The following ARHGEF1 variants were observed in gnomAD, a reference collection of about 807,000 sequenced individuals.
ARHGEF1 encodes 115 kDa guanine nucleotide exchange factor.
Under a neutral mutation model 119.7 loss-of-function variants are expected in ARHGEF1, and 40 were observed. The ratio of observed to expected loss-of-function variants is 0.33; its 90% CI spans 0.26 to 0.44. ARHGEF1 has a LOEUF of 0.44. Among genes scored for constraint, ARHGEF1 ranks in the 20% least tolerant of loss-of-function variants. The probability of loss-of-function intolerance (pLI) is 1.00; values close to 1 mark genes in which losing one functional copy is unlikely to be tolerated. For synonymous variants in ARHGEF1, 494 were observed against 521.0 expected, an observed-to-expected ratio of 0.95 and a Z score of 0.71; for missense variants, 976 against 1,268.3, an observed-to-expected ratio of 0.77 and a Z score of 3.50.
Position 41,928,624 on chromosome 19 carries a change from G to A in ARHGEF1, c.141-207G>A, listed in dbSNP as rs540877968. The A allele has an allele frequency of 2.6e-3, 483 of 187,812 alleles. 3 individuals are homozygous for A. The highest frequency in any genetic ancestry group is 0.011 in the African/African-American group (473 of 41,862). 11.6% of individuals were successfully genotyped at this position (187,812 alleles called of 1,614,324 possible). On this transcript the variant is annotated intron_variant, in intron 1 of 2. Coordinates refer to the ARHGEF1 transcript ENST00000594417. ...GGCGGCGGCGCGGGGGAGGGGGCGG[G>A]GGCGCGATCGATGGAATATAATTTT...
upstream of ARHGEF1, among the ~76,000 whole-genome samples, chr19:41,918,910 ACAC>A (rs2074820704): frequency 6.6e-6 from 1 of 150,440 alleles, no homozygotes; most frequent in Non-Finnish European, 1.5e-5. Flanking sequence ...TTACACACAT[ACAC>A]CACACACACA....
At chr19:41,884,958 T>C (rs1229699746) in intron 1 of ARHGEF1, among the ~76,000 whole-genome samples, 3 of 152,146 alleles carry the variant, frequency 2.0e-5, no homozygotes, top group African/African-American at 7.2e-5. Flanking sequence ...TCTTTTAGGT[T>C]CTTTAAGGCT....
rs1279609883 is a variant in ARHGEF1, at chr19:41,904,028, G to T, written c.1918-7G>T. The stretch of plus-strand genomic sequence containing the variant: ...CCTGCACAAACCATCACCCCCTCCT[G>T]CCCCAGAACCTGGACATCACCAAGA... On this transcript the variant is annotated splice_polypyrimidine_tract_variant and splice_region_variant and intron_variant, in intron 20 of 28. Coordinates refer to ENST00000354532, the MANE Select transcript of ARHGEF1 (RefSeq NM_004706.4). The surrounding 1 kb of genome is among the most constrained non-coding windows in gnomAD (Gnocchi z 8.4). The T allele has an allele frequency of 8.1e-6, 13 of 1,613,318 alleles. No individual in the cohort carries two copies. Among genetic ancestry groups the T allele is most frequent in the Non-Finnish European group, 1.1e-5 (13 of 1,179,830 alleles).
intron 18 of ARHGEF1, chr19:41,912,743 G>A: frequency 2.5e-6 from 1 of 401,350 alleles, no homozygotes; most frequent in Non-Finnish European, 4.3e-6. Flanking sequence ...GAGAGAGAAG[G>A]ACCCACGGAC....
downstream of ARHGEF1, chr19:41,907,849 T>G: frequency 6.6e-6 from 1 of 152,126 alleles, no homozygotes; most frequent in African/African-American, 5.5e-5. Context: ...CAGGGGGGCC[T>G]ATATGGGGGG....
rs781984796 is a variant in ARHGEF1 at position 41,905,711 on chromosome 19, GC to G, written c.2337-43del. 3.1e-6 allele frequency: 5 copies of G among 1,597,858 alleles called. No individual in the cohort carries two copies. The highest frequency in any genetic ancestry group is 2.2e-5 in the East Asian group (1 of 44,734). On this transcript the variant is annotated intron_variant, in intron 24 of 28. Transcript: ENST00000354532. This position sits in a 1 kb window ranked among gnomAD's most constrained non-coding sequence, Gnocchi z 6.4. Reference sequence around the variant, plus strand: ...AGCTCTCTGTCTCCCTGCCCCTGCGGCCCCCCAGGGCCAGGGGTGTGGGGTC... The same window carrying G: ...AGCTCTCTGTCTCCCTGCCCCTGCGGCCCCCAGGGCCAGGGGTGTGGGGTC...
rs1555846382 is a variant in ARHGEF1, at chr19:41,892,398, A to G, written c.367+25A>G. ...GGTAAGGAGAAGGATGGGATGAGGG[A>G]GAGGTGTCTAGCGGGGACCACACCT... On this transcript the variant is annotated intron_variant, in intron 6 of 28. Transcript: ENST00000354532. The surrounding 1 kb of genome is among the most constrained non-coding windows in gnomAD (Gnocchi z 6.3). 3.7e-6 allele frequency: 6 copies of G among 1,613,774 alleles called. No individual in the cohort carries two copies. Among genetic ancestry groups the G allele is most frequent in the Non-Finnish European group, 5.1e-6 (6 of 1,179,894 alleles).
At position 41,902,331 on chromosome 19, in the gene ARHGEF1, A is replaced by C. The variant is rs1400359357; in HGVS notation, c.1472A>C (p.Glu491Ala). The stretch of plus-strand genomic sequence containing the variant: ...CAGGAGAGTGGCTACCTCATCGAGG[A>C]GATCGGAGACGTGCTGCTGGCCCGG... ...RRQESGYLIE[E>A]IGDVLLARFD... The change falls in exon 16 of 29, where the codon GAG becomes GCG. Residue 491 changes from glutamate to alanine, a missense_variant. Physicochemically the swap from Glu to Ala is moderately radical, Grantham distance 107. Coordinates refer to ENST00000354532, the MANE Select transcript of ARHGEF1 (RefSeq NM_004706.4). The surrounding 1 kb of genome is among the most constrained non-coding windows in gnomAD (Gnocchi z 6.5). The C allele has an allele frequency of 6.2e-7, 1 of 1,613,988 alleles. No homozygotes were observed. Among genetic ancestry groups the C allele is most frequent in the African/African-American group, 1.3e-5 (1 of 74,908 alleles).
chr19:41,893,369 CTCCT>C, intron 8 of ARHGEF1, 66 bp downstream of exon 8: 1 of 1,389,268 alleles, frequency 7.2e-7, no homozygotes, highest in Non-Finnish European at 9.7e-7. Flanking sequence ...AGGGCCTGGA[CTCCT>C]GGGTCTGAGG....
chr19:41,911,121 G>C (rs782001551), downstream of ARHGEF1, among the ~76,000 whole-genome samples: 9 of 152,122 alleles, frequency 5.9e-5, no homozygotes, highest in South Asian at 4.1e-4. Context: ...CCTGCACACA[G>C]AGGCACCCAC....
chr19:41,894,606 C>G lies in ARHGEF1; in HGVS notation c.842-20C>G, dbSNP rs782621239. 3.1e-6 allele frequency: 5 copies of G among 1,613,966 alleles called. No homozygotes were observed. The Admixed American group carries it at 8.3e-5, about 27-fold the overall frequency. Reference sequence around the variant, plus strand: ...TTCCCCAGCTGCTCCCACTCACTGTCTCATTCTCTCTCGTTTCAGTTCCAG... The same window carrying G: ...TTCCCCAGCTGCTCCCACTCACTGTGTCATTCTCTCTCGTTTCAGTTCCAG... On this transcript the variant is annotated intron_variant, in intron 10 of 28. Transcript: ENST00000354532.
Position 41,902,724 on chromosome 19 carries a change from C to G in ARHGEF1, c.1624-60C>G. ...GCCTGGAGACCCAGACTCCTAGGTG[C>G]CTGCGCCCTGGGGTGAGCCCAAAGC... On this transcript the variant is annotated intron_variant, in intron 17 of 28. Coordinates refer to ENST00000354532, the MANE Select transcript of ARHGEF1 (RefSeq NM_004706.4). This position sits in a 1 kb window ranked among gnomAD's most constrained non-coding sequence, Gnocchi z 6.5. The G allele has an allele frequency of 6.2e-7, 1 of 1,613,252 alleles. No homozygotes were observed. Among genetic ancestry groups the G allele is most frequent in the Non-Finnish European group, 8.5e-7 (1 of 1,179,604 alleles).
rs371689333 is a variant in ARHGEF1, at chr19:41,898,469, G to A, written c.1149G>A (p.Pro383=). The part of the protein sequence containing the change: ...ESPEPGDEGE[P]GRSGLELEPE... The stretch of plus-strand genomic sequence containing the variant: ...CCGAGCCTGGAGATGAGGGGGAGCC[G>A]GGGCGGTCGGGACTGGAGCTTGAAC... The change falls in exon 14 of 29, where the codon CCG becomes CCA. Residue 383 remains proline (P), a synonymous_variant. Coordinates refer to ENST00000354532, the MANE Select transcript of ARHGEF1 (RefSeq NM_004706.4). 1.8e-5 allele frequency: 28 copies of A among 1,547,986 alleles called. No individual in the cohort carries two copies. The highest frequency in any genetic ancestry group is 1.4e-4 in the Admixed American group (7 of 50,500).
In ARHGEF1 at chr19:41,903,553, C is replaced by A; in HGVS notation, c.1839+146C>A. 1 of 1,091,504 alleles carries A rather than the reference C, an allele frequency of 9.2e-7. No individual in the cohort carries two copies. The highest frequency in any genetic ancestry group is 1.3e-6 in the Non-Finnish European group (1 of 743,626). The allele number at this position is 1,091,504 out of a possible 1,614,324, so 67.6% of individuals were successfully genotyped here. The stretch of plus-strand genomic sequence containing the variant: ...TGTGTCCAGGGGTTGGCTTGGCCCT[C>A]AGCATCTCCCTCTCAGGGTCATTGG... On this transcript the variant is annotated intron_variant, in intron 19 of 28. Coordinates refer to ENST00000354532, the MANE Select transcript of ARHGEF1 (RefSeq NM_004706.4). The surrounding 1 kb of genome is among the most constrained non-coding windows in gnomAD (Gnocchi z 4.2).
Position 41,888,312 on chromosome 19 carries a change from C to T in ARHGEF1, c.111+34C>T. The T allele has an allele frequency of 6.2e-7, 1 of 1,605,912 alleles. No individual in the cohort carries two copies. The highest frequency in any genetic ancestry group is 8.5e-7 in the Non-Finnish European group (1 of 1,175,080). On this transcript the variant is annotated intron_variant, in intron 3 of 28. Transcript: ENST00000354532. This position sits in a 1 kb window ranked among gnomAD's most constrained non-coding sequence, Gnocchi z 5.1. ...GAGATAGGGTGGAAAAGCTCTGTCC[C>T]AGGCTCAGTGTCCCGCCCCAGGTCC...
Position 41,894,135 on chromosome 19 carries a change from AGTGTGTGTGTGTGTGT to A in ARHGEF1, c.645-55_645-40del, listed in dbSNP as rs35797687. The A allele has an allele frequency of 3.7e-4, 182 of 486,090 alleles. No homozygotes were observed. In the Middle Eastern group the frequency reaches 5.7e-3, roughly 15 times the overall value. 30.1% of individuals were successfully genotyped at this position (486,090 alleles called of 1,614,324 possible). ...GGGAGAGAGAGAGAGTGTGTGTGTG[AGTGTGTGTGTGTGTGT>A]GTGTGTGTGTGTGTGTCTTTGTGTG... is the stretch of plus-strand genomic sequence containing the variant. On this transcript the variant is annotated intron_variant, in intron 8 of 28. Transcript: ENST00000354532.
At chr19:41,908,462 C>A (rs2074731780), downstream of ARHGEF1, 1 of 1,231,368 alleles carries the variant, frequency 8.1e-7, no homozygotes, top group Non-Finnish European at 1.0e-6. This position sits in a 1 kb window ranked among gnomAD's most constrained non-coding sequence, Gnocchi z 6.7. Flanking sequence ...TCGAGGCCAG[C>A]AGGGGCGTGG....
At chr19:41,920,138 C>T (rs1241731384), upstream of ARHGEF1, among the ~76,000 whole-genome samples, 2 of 128,352 alleles carry the variant, frequency 1.6e-5, no homozygotes, top group Admixed American at 8.5e-5. Flanking sequence ...CATGCGCTCA[C>T]AGACATGACA....
chr19:41,888,874 A>G lies in ARHGEF1; in HGVS notation c.225+9A>G. On this transcript the variant is annotated intron_variant, in intron 4 of 28. Coordinates refer to ENST00000354532, the MANE Select transcript of ARHGEF1 (RefSeq NM_004706.4). The surrounding 1 kb of genome is among the most constrained non-coding windows in gnomAD (Gnocchi z 5.1). Reference sequence around the variant, plus strand: ...TTGAGCCAGGACCCCTGGTGAGGGCAGGGCTGGGTGGGCACAGGGAGGGGT... The same window carrying G: ...TTGAGCCAGGACCCCTGGTGAGGGCGGGGCTGGGTGGGCACAGGGAGGGGT... 7.0e-7 allele frequency: 1 copy of G among 1,425,360 alleles called. No individual in the cohort carries two copies. Among genetic ancestry groups the G allele is most frequent in the East Asian group, 2.7e-5 (1 of 37,106 alleles). The allele number at this position is 1,425,360 out of a possible 1,614,324, so 88.3% of individuals were successfully genotyped here. A position where few individuals can be genotyped will look rare whatever the true frequency, so the allele number is the denominator to read the frequency against.
Sources: gnomAD v4.1 joint callset for allele counts (sites outside exome capture counted in the v4.1 genomes callset) on GRCh38, gnomAD v4.1.1 for gene constraint, Gnocchi (gnomAD v3.1) non-coding constraint, MANE v1.5 for transcripts, NCBI Gene and HGNC (gene_info 2026-07-23, HGNC 2026-07-21) for gene names.